Variants in NBAS observed in about 807,000 individuals in gnomAD.
The protein encoded by NBAS is NBAS subunit of NRZ tethering complex, also known as NAG/BC035112 fusion.
Under a neutral mutation model 302.5 loss-of-function variants are expected in NBAS, and 219 were observed. The ratio of observed to expected loss-of-function variants is 0.72; its 90% confidence interval spans 0.65 to 0.81. The LOEUF is 0.81. Among genes scored for constraint, NBAS ranks in the 30% least tolerant of loss-of-function variants. The pLI, the probability that NBAS is intolerant of heterozygous loss-of-function variation, is 0.00. For missense variants in NBAS, 2,932 were observed against 2,841.6 expected (o/e 1.03, Z -0.72); for synonymous variants, 1,118 against 1,021.6 (o/e 1.09, Z -1.80).
At chr2:14,832,622 A>T in the NBAS span, among the ~76,000 whole-genome samples, 1 of 152,194 alleles carries the variant, frequency 6.6e-6, no homozygotes, top group Admixed American at 6.5e-5. Context: ...GGGAAAGTGG[A>T]TAGGCAGCCT....
chr2:15,043,011 C>T, the NBAS span, among the ~76,000 whole-genome samples: 1 of 152,158 alleles, frequency 6.6e-6, no homozygotes, highest in Admixed American at 6.5e-5. Context: ...GTAAAACTTG[C>T]TTTACAAAAA....
At chr2:15,391,630 C>T (rs10929366) in intron 28 of NBAS, among the ~76,000 whole-genome samples, 93,035 of 151,752 alleles carry the variant, frequency 0.61, 29,436 homozygotes, top group Non-Finnish European at 0.68. Context: ...AGAAGAAATA[C>T]GCAAAAATTT....
the NBAS span, among the ~76,000 whole-genome samples, chr2:15,125,851 G>A: frequency 6.6e-6 from 1 of 152,150 alleles, no homozygotes; most frequent in Non-Finnish European, 1.5e-5. Flanking sequence ...TTAGTCTTTG[G>A]ACTCGGAACT....
At chr2:15,147,540 C>T in the NBAS span, among the ~76,000 whole-genome samples, 1 of 151,980 alleles carries the variant, frequency 6.6e-6, no homozygotes, top group Non-Finnish European at 1.5e-5. Context: ...TGCTGTGAGC[C>T]AAGATCGCAC....
the NBAS span, among the ~76,000 whole-genome samples, chr2:14,882,200 G>A: frequency 6.6e-6 from 1 of 152,078 alleles, no homozygotes; most frequent in Non-Finnish European, 1.5e-5. Context: ...TAAATCCAAA[G>A]TTTGATTCCA....
In NBAS at chr2:15,383,142, A is replaced by T. The variant is rs6756934; in HGVS notation, c.3360+73T>A. On this transcript the variant is annotated intron_variant, in intron 29 of 51. Transcript: ENST00000281513. The stretch of plus-strand genomic sequence containing the variant: ...CTTCCAGGGTAGCTTATGGTCATCA[A>T]TCTTGTATCCAATAAACCATAACAA... 0.94 allele frequency: 1,223,719 copies of T among 1,300,704 alleles called. 576,126 individuals carry two copies. The highest frequency in any genetic ancestry group is 1 in the East Asian group (42,679 of 42,684). The allele number at this position is 1,300,704 out of a possible 1,614,324, so 80.6% of individuals were successfully genotyped here.
intron 32 of NBAS, among the ~76,000 whole-genome samples, chr2:15,361,434 A>C (rs1489346292): frequency 6.6e-6 from 1 of 151,562 alleles, no homozygotes; most frequent in Non-Finnish European, 1.5e-5. Flanking sequence ...AATAATTTGA[A>C]CCCGGGAGGC....
intron 31 of NBAS, among the ~76,000 whole-genome samples, chr2:15,370,349 G>A (rs142969739): frequency 2.6e-5 from 4 of 152,102 alleles, no homozygotes; most frequent in Admixed American, 2.0e-4. Flanking sequence ...GCTCGGGTGC[G>A]GTGGCACAAT....
chr2:14,930,331 T>C, the NBAS span, among the ~76,000 whole-genome samples: 2 of 152,334 alleles, frequency 1.3e-5, no homozygotes, highest in Middle Eastern at 3.4e-3. Flanking sequence ...CACTGTGTTG[T>C]GGCATTTTAG....
the NBAS span, among the ~76,000 whole-genome samples, chr2:14,880,045 C>T: frequency 6.6e-6 from 1 of 152,094 alleles, no homozygotes; most frequent in East Asian, 1.9e-4. Context: ...GAAAGAAGAG[C>T]CATTCCTTGG....
the NBAS span, among the ~76,000 whole-genome samples, chr2:14,985,129 C>T: frequency 1.3e-5 from 2 of 152,258 alleles, no homozygotes; most frequent in Admixed American, 1.3e-4. Flanking sequence ...TGTACAGTGA[C>T]GGGCTGGGAA....
At chr2:15,152,231 T>A in the NBAS span, among the ~76,000 whole-genome samples, 2 of 152,228 alleles carry the variant, frequency 1.3e-5, no homozygotes, top group Admixed American at 1.3e-4. Context: ...AGCTGACTGA[T>A]GTTGAGAATT....
chr2:15,189,945 C>T (rs1353180504), intron 49 of NBAS, among the ~76,000 whole-genome samples: 3 of 152,138 alleles, frequency 2.0e-5, no homozygotes, highest in Admixed American at 1.3e-4. Context: ...CTCAAGTTGG[C>T]ACTGTAAGCC....
chr2:15,481,455 T>C (rs1258399065), intron 12 of NBAS, among the ~76,000 whole-genome samples: 1 of 152,154 alleles, frequency 6.6e-6, no homozygotes, highest in Non-Finnish European at 1.5e-5. Context: ...ATACACACTG[T>C]AAACTGGTGC....
chr2:15,444,654 A>G (rs370550259), intron 21 of NBAS, among the ~76,000 whole-genome samples: 16 of 152,034 alleles, frequency 1.1e-4, no homozygotes, highest in East Asian at 1.9e-4. Context: ...ATTGACAAAT[A>G]GGATCTAATT....
At chr2:14,779,665 C>A in the NBAS span, among the ~76,000 whole-genome samples, 4 of 152,176 alleles carry the variant, frequency 2.6e-5, no homozygotes, top group Non-Finnish European at 5.9e-5. Flanking sequence ...TAAAATAACA[C>A]CCCTGCCACC....
chr2:14,844,443 G>A, the NBAS span, among the ~76,000 whole-genome samples: 1 of 152,210 alleles, frequency 6.6e-6, no homozygotes, highest in East Asian at 1.9e-4. Flanking sequence ...TCTGAAACTT[G>A]CTGACTTCAG....
Position 15,511,096 on chromosome 2 carries a change from C to T in NBAS, c.885+116G>A, listed in dbSNP as rs1029841807. On this transcript the variant is annotated intron_variant, in intron 10 of 51. Transcript: ENST00000281513. ...ATTATACCAGCATTAATTCACTGTCCTCATTCAAGATGAAATTATTTCTTC... is the reference window on the plus strand; with the variant it reads ...ATTATACCAGCATTAATTCACTGTCTTCATTCAAGATGAAATTATTTCTTC... 2.7e-5 allele frequency: 34 copies of T among 1,267,262 alleles called. No homozygotes were observed. In the African/African-American group the frequency reaches 4.5e-4, roughly 17 times the overall value. The allele number at this position is 1,267,262 out of a possible 1,614,324, so 78.5% of individuals were successfully genotyped here. A position where few individuals can be genotyped will look rare whatever the true frequency, so the allele number is the denominator to read the frequency against.
the NBAS span, among the ~76,000 whole-genome samples, chr2:14,885,244 G>A: frequency 6.6e-6 from 1 of 152,314 alleles, no homozygotes; most frequent in East Asian, 1.9e-4. Flanking sequence ...TCGGACTAGA[G>A]TATTGAGAGT....
Sources: allele counts gnomAD v4.1 joint callset (sites outside exome capture counted in the v4.1 genomes callset), GRCh38; gene constraint gnomAD v4.1.1; transcripts MANE v1.5; gene names NCBI Gene and HGNC (gene_info 2026-07-23, HGNC 2026-07-21).